RIC1: variants seen among roughly 807,000 people sequenced by gnomAD.
RIC1 encodes RIC1 partner of RAB6A GEF complex.
In RIC1, 88 loss-of-function variants were observed where a neutral mutation model predicts 169.0. The observed-to-expected ratio is 0.52, with a 90% CI of 0.44 to 0.62. RIC1 has a LOEUF of 0.62. RIC1 is among the 20% of genes least tolerant of loss of function. The probability of loss-of-function intolerance (pLI) is 0.00; values close to 1 mark genes in which losing one functional copy is unlikely to be tolerated. For missense variants in RIC1, 1,877 were observed against 1,725.5 expected (o/e 1.09, Z -1.56); for synonymous variants, 790 against 601.5 (o/e 1.31, Z -4.59).
rs369535918 is a variant in RIC1 at position 5,696,685 on chromosome 9, C to T, written c.332+6647C>T. The stretch of plus-strand genomic sequence containing the variant: ...GCTTTTTTAGATTCTAATCTCATTT[C>T]ACTCTCCAGTTGTCCTGTATCTCTT... On this transcript the variant is annotated intron_variant, in intron 3 of 25. Transcript: ENST00000414202. Among the ~76,000 whole-genome samples, 8 of 152,274 alleles carry T rather than the reference C, an allele frequency of 5.3e-5. No homozygotes were observed. The East Asian group carries it at 1.3e-3, about 26-fold the overall frequency.
chr9:5,692,004 A>G (rs1212052314), intron 3 of RIC1, among the ~76,000 whole-genome samples: 1 of 152,100 alleles, frequency 6.6e-6, no homozygotes, highest in Non-Finnish European at 1.5e-5. Flanking sequence ...ACACCAGTTA[A>G]CTAAGTAGTC....
At chr9:5,750,724 T>A (rs1353629534) in intron 12 of RIC1, among the ~76,000 whole-genome samples, 1 of 151,742 alleles carries the variant, frequency 6.6e-6, no homozygotes, top group African/African-American at 2.4e-5. Flanking sequence ...TCCAGTGATG[T>A]GGCATGACTT....
rs199666876 is a variant in RIC1 at position 5,725,892 on chromosome 9, T to C, written c.720+5142T>C. On this transcript the variant is annotated intron_variant, in intron 6 of 25. Transcript: ENST00000414202. Reference sequence around the variant, plus strand: ...TTTGAGTGAGTTTCTTAATCCTGAGTTCTAGTTTGATTGCACTGTGGTCTG... The same window carrying C: ...TTTGAGTGAGTTTCTTAATCCTGAGCTCTAGTTTGATTGCACTGTGGTCTG... Among the ~76,000 whole-genome samples the C allele has an allele frequency of 5.9e-5, 9 of 152,336 alleles. No individual in the cohort carries two copies. In the East Asian group the frequency reaches 1.7e-3, roughly 29 times the overall value.
intron 22 of RIC1, 50 bp downstream of exon 22, chr9:5,769,306 G>C: frequency 6.2e-7 from 1 of 1,613,706 alleles, no homozygotes; most frequent in Non-Finnish European, 8.5e-7. Flanking sequence ...ATTTTACTCC[G>C]TGTATTTACA....
At chr9:5,765,349 G>C in intron 19 of RIC1, 65 bp from the exon 20 acceptor site, 1 of 1,514,930 alleles carries the variant, frequency 6.6e-7, no homozygotes, top group South Asian at 1.3e-5. Context: ...ACGAGATAAA[G>C]AATTGCTCAT....
intron 2 of RIC1, among the ~76,000 whole-genome samples, chr9:5,671,335 C>A (rs186983835): frequency 1.3e-5 from 2 of 150,344 alleles, no homozygotes; most frequent in Admixed American, 6.6e-5. Flanking sequence ...AGTGGCGCAG[C>A]GCAATCTCTG....
Position 5,769,154 on chromosome 9 carries a change from G to A in RIC1, c.3322G>A (p.Val1108Ile). Reference sequence around the variant, plus strand: ...CCGAGCCGCCCGGGTAGACAACTTTGTAATAGCCCTGAAGAGACTCCACAA... The same window carrying A: ...CCGAGCCGCCCGGGTAGACAACTTTATAATAGCCCTGAAGAGACTCCACAA... ...RTRAARVDNFVIALKRLHKDF... is the reference protein window; with the variant it reads ...RTRAARVDNFIIALKRLHKDF... Residue 1108 changes from valine (V) to isoleucine (I), a missense_variant, in exon 22 of 26, where the codon GTA becomes ATA. By Grantham distance (29) the Val-to-Ile change is conservative. Around this residue, in one of 3 missense-constraint regions of RIC1, gnomAD observed 681 missense variants for 582.0 expected, o/e 1.17. Transcript: ENST00000414202. 1 of 1,614,116 alleles carries A rather than the reference G, an allele frequency of 6.2e-7. No homozygotes were observed. Among genetic ancestry groups the A allele is most frequent in the Non-Finnish European group, 8.5e-7 (1 of 1,179,992 alleles).
intron 2 of RIC1, among the ~76,000 whole-genome samples, chr9:5,688,945 C>T (rs771147298): frequency 1.3e-5 from 2 of 149,964 alleles, no homozygotes; most frequent in Non-Finnish European, 3.0e-5. Context: ...TTTGTACTTA[C>T]AGAAATGTAA....
chr9:5,682,778 C>T (rs562893198), intron 2 of RIC1, among the ~76,000 whole-genome samples: 12 of 152,272 alleles, frequency 7.9e-5, no homozygotes, highest in East Asian at 1.9e-4. Context: ...CCATTCTCCC[C>T]GTCACTTTCA....
chr9:5,659,074 C>G (rs1819286810), intron 2 of RIC1, among the ~76,000 whole-genome samples: 1 of 152,022 alleles, frequency 6.6e-6, no homozygotes, highest in Non-Finnish European at 1.5e-5. Flanking sequence ...CAAAAAGAAT[C>G]TAATTCTCAT....
chr9:5,763,993 T>C lies in RIC1; in HGVS notation c.2841+125T>C. ...CATAGTCAAATTTTCTGTTTATATC[T>C]TTAATTTGGAAGAATTCAGACAGAT... On this transcript the variant is annotated intron_variant, in intron 19 of 25. Transcript: ENST00000414202. The surrounding 1 kb of genome is among the most constrained non-coding windows in gnomAD (Gnocchi z 5.2). The C allele has an allele frequency of 9.3e-7, 1 of 1,072,084 alleles. No individual in the cohort carries two copies. Among genetic ancestry groups the C allele is most frequent in the East Asian group, 2.4e-5 (1 of 41,064 alleles). The allele number at this position is 1,072,084 out of a possible 1,614,324, so 66.4% of individuals were successfully genotyped here. A position where few individuals can be genotyped will look rare whatever the true frequency, so the allele number is the denominator to read the frequency against.
intron 3 of RIC1, among the ~76,000 whole-genome samples, chr9:5,699,393 G>A (rs1458641244): frequency 2.0e-5 from 3 of 152,168 alleles, no homozygotes; most frequent in Non-Finnish European, 4.4e-5. Context: ...CCAAGCTGCT[G>A]GGATGGGCCG....
chr9:5,748,951 A>G (rs1020942682), intron 12 of RIC1, among the ~76,000 whole-genome samples: 1 of 152,324 alleles, frequency 6.6e-6, no homozygotes, highest in South Asian at 2.1e-4. Flanking sequence ...TACCTAGTTT[A>G]TCAGTTTCCT....
downstream of RIC1, among the ~76,000 whole-genome samples, chr9:5,778,562 A>G (rs765127419): frequency 6.6e-6 from 1 of 152,208 alleles, no homozygotes; most frequent in African/African-American, 2.4e-5. Flanking sequence ...TGCCTTCTGT[A>G]TAGTTTGTCT....
intron 12 of RIC1, among the ~76,000 whole-genome samples, chr9:5,751,036 G>A (rs772905696): frequency 4.6e-5 from 7 of 151,778 alleles, no homozygotes; most frequent in Admixed American, 4.6e-4. Flanking sequence ...ATCATAGTGT[G>A]ATCATTTGAT....
At chr9:5,688,388 C>T (rs1821381138) in intron 2 of RIC1, among the ~76,000 whole-genome samples, 1 of 152,132 alleles carries the variant, frequency 6.6e-6, no homozygotes, top group South Asian at 2.1e-4. Context: ...GATGACTGGC[C>T]TTCATTGCTT....
intron 17 of RIC1, among the ~76,000 whole-genome samples, chr9:5,757,789 TAAGAG>T (rs1826093499): frequency 6.6e-6 from 1 of 152,102 alleles, no homozygotes; most frequent in Non-Finnish European, 1.5e-5. Flanking sequence ...TTATCCAAGT[TAAGAG>T]GGGATGGATT....
intron 2 of RIC1, among the ~76,000 whole-genome samples, chr9:5,684,591 T>C (rs1821093991): frequency 6.6e-6 from 1 of 152,168 alleles, no homozygotes; most frequent in African/African-American, 2.4e-5. Context: ...ATATTTGTCT[T>C]GTGTCCAGCA....
rs1358102515 is a variant in RIC1 at position 5,765,669 on chromosome 9, G to A, written c.3008G>A (p.Ser1003Asn). 3 of 1,614,158 alleles carry A rather than the reference G, an allele frequency of 1.9e-6. No homozygotes were observed. The highest frequency in any genetic ancestry group is 2.5e-6 in the Non-Finnish European group (3 of 1,179,998). ...PPSTPTAQEP[S>N]SSGGFEFFRN... ...TATGGTGTGTAATCCTAGGAACCCA[G>A]TTCAAGTGGTGGATTTGAGTTCTTC... Residue 1003 changes from serine (S) to asparagine (N), a missense_variant, in exon 21 of 26, where the codon AGT becomes AAT. Coordinates refer to ENST00000414202, the MANE Select transcript of RIC1 (RefSeq NM_020829.4).
Sources: allele counts gnomAD v4.1 joint callset (sites outside exome capture counted in the v4.1 genomes callset), GRCh38; gene constraint gnomAD v4.1.1; regional missense constraint gnomAD v4.1.1; non-coding constraint Gnocchi (gnomAD v3.1); transcripts MANE v1.5; gene names NCBI Gene and HGNC (gene_info 2026-07-23, HGNC 2026-07-21).